PDS5A: variants seen among roughly 807,000 people sequenced by gnomAD.
PDS5A encodes sister chromatid cohesion protein PDS5 homolog A.
Under a neutral mutation model 167.1 loss-of-function variants are expected in PDS5A, and 42 were observed. The ratio of observed to expected loss-of-function variants is 0.25; its 90% confidence interval spans 0.20 to 0.33. PDS5A has a LOEUF of 0.33. Ranked by LOEUF, PDS5A falls within the 10% of genes least tolerant of loss-of-function variation. The probability of loss-of-function intolerance (pLI) is 1.00; values close to 1 mark genes in which losing one functional copy is unlikely to be tolerated. For synonymous variants in PDS5A, 553 were observed against 554.6 expected, an observed-to-expected ratio of 1.00 and a Z score of 0.04; for missense variants, 1,033 against 1,605.9, an observed-to-expected ratio of 0.64 and a Z score of 6.10.
intron 26 of PDS5A, among the ~76,000 whole-genome samples, chr4:39,850,728 CTT>C (rs1341788134): frequency 1.3e-5 from 2 of 152,216 alleles, no homozygotes; most frequent in Non-Finnish European, 2.9e-5. Context: ...CTATTCCACA[CTT>C]GTCACTGTAT....
At chr4:39,837,178 C>T (rs1311448931) in intron 32 of PDS5A, 1 of 151,990 alleles carries the variant, frequency 6.6e-6, no homozygotes, top group East Asian at 1.9e-4. Flanking sequence ...GTGGGGGTAT[C>T]CTGAGCTGAT....
chr4:39,936,991 G>A (rs1490461148), intron 2 of PDS5A: 1 of 152,252 alleles, frequency 6.6e-6, no homozygotes, highest in East Asian at 1.9e-4. Context: ...GGGACACAGA[G>A]CTTCGTATAC....
At chr4:39,919,848 C>T (rs1724759321) in intron 7 of PDS5A, among the ~76,000 whole-genome samples, 1 of 151,584 alleles carries the variant, frequency 6.6e-6, no homozygotes, top group African/African-American at 2.4e-5. Context: ...CACAATCTTT[C>T]ATTACTGAAA....
chr4:39,930,249 T>TTTTTG lies in PDS5A; in HGVS notation c.139-2086_139-2085insCAAAA, dbSNP rs1399930462. ...AAAAAAAAAAAAAAAAAAAAAAAGT[T>TTTTTG]TTTTTGTTTTTTGTTTTTTTTTTTT... On this transcript the variant is annotated intron_variant, in intron 2 of 32. Coordinates refer to ENST00000303538, the MANE Select transcript of PDS5A (RefSeq NM_001100399.2). Among the ~76,000 whole-genome samples, 683 of 105,644 alleles carry TTTTTG rather than the reference T, an allele frequency of 6.5e-3. 37 individuals are homozygous for TTTTTG. The highest frequency in any genetic ancestry group is 0.013 in the Non-Finnish European group (602 of 46,688). The allele number at this position is 105,644 out of a possible 152,430, so 69.3% of individuals were successfully genotyped here. A position where few individuals can be genotyped will look rare whatever the true frequency, so the allele number is the denominator to read the frequency against.
At chr4:39,880,745 A>C (rs1278787807) in intron 17 of PDS5A, among the ~76,000 whole-genome samples, 9 of 152,188 alleles carry the variant, frequency 5.9e-5, no homozygotes, top group Non-Finnish European at 1.0e-4. Context: ...CATGGTGATC[A>C]GATCAGGATA....
intron 3 of PDS5A, among the ~76,000 whole-genome samples, 178 bp downstream of exon 3, chr4:39,927,783 A>C (rs1725598554): frequency 6.6e-6 from 1 of 152,194 alleles, no homozygotes; most frequent in East Asian, 1.9e-4. Flanking sequence ...CAACCAAGCA[A>C]CCCAGTCATT....
chr4:39,904,289 GTGC>G, intron 11 of PDS5A, 98 bp from the exon 12 acceptor site: 1 of 648,806 alleles, frequency 1.5e-6, no homozygotes, highest in Admixed American at 3.7e-5. Flanking sequence ...AGTCTTATGT[GTGC>G]CTTTATAAAC....
intron 21 of PDS5A, among the ~76,000 whole-genome samples, chr4:39,870,516 A>G (rs953060521): frequency 6.6e-6 from 1 of 151,996 alleles, no homozygotes; most frequent in Non-Finnish European, 1.5e-5. Flanking sequence ...TGAGCCTGGG[A>G]AGCGGAGGTT....
chr4:39,976,647 G>A, intron 1 of PDS5A, 30 bp from the exon 2 acceptor site: 1 of 1,191,212 alleles, frequency 8.4e-7, no homozygotes, highest in Non-Finnish European at 1.2e-6. Context: ...AGTTCAGCGG[G>A]AAAGGGGCGA....
intron 29 of PDS5A, among the ~76,000 whole-genome samples, chr4:39,845,017 G>A (rs1041092759): frequency 6.6e-6 from 1 of 152,076 alleles, no homozygotes; most frequent in African/African-American, 2.4e-5. Context: ...AGACCACTCT[G>A]GCCAAAAGAG....
At chr4:39,877,606 GGC>G (rs1476228763) in intron 18 of PDS5A, among the ~76,000 whole-genome samples, 14 of 151,982 alleles carry the variant, frequency 9.2e-5, no homozygotes, top group African/African-American at 3.4e-4. Flanking sequence ...TTCTTTGACT[GGC>G]AAAAAGATAA....
intron 22 of PDS5A, among the ~76,000 whole-genome samples, chr4:39,867,774 A>AAC (rs1719673014): frequency 9.2e-6 from 1 of 108,524 alleles, no homozygotes; most frequent in African/African-American, 3.8e-5. Flanking sequence ...ACACACACAC[A>AAC]CCCCACAACT....
intron 2 of PDS5A, among the ~76,000 whole-genome samples, chr4:39,954,297 C>T (rs1728697844): frequency 6.6e-6 from 1 of 152,046 alleles, no homozygotes. Context: ...GAGTTTGAGG[C>T]TGCAATGAGC....
intron 30 of PDS5A, 121 bp from the exon 31 acceptor site, chr4:39,842,177 G>C (rs1171586201): frequency 3.1e-6 from 2 of 636,308 alleles, no homozygotes; most frequent in Non-Finnish European, 5.7e-6. Context: ...AGCAACAATA[G>C]CAAGATTCGG....
chr4:39,922,070 G>A (rs1725034582), intron 6 of PDS5A, among the ~76,000 whole-genome samples: 1 of 152,140 alleles, frequency 6.6e-6, no homozygotes, highest in South Asian at 2.1e-4. Flanking sequence ...CCCAGTGGTG[G>A]AGCCTGAGGG....
At chr4:39,948,373 A>G (rs1337367777) in intron 2 of PDS5A, among the ~76,000 whole-genome samples, 1 of 128,660 alleles carries the variant, frequency 7.8e-6, no homozygotes, top group Admixed American at 9.7e-5. Context: ...GCTGGAGTGC[A>G]ATGGTGCGAC....
chr4:39,839,911 T>C (rs1429687414), intron 31 of PDS5A, among the ~76,000 whole-genome samples: 2 of 151,722 alleles, frequency 1.3e-5, no homozygotes, highest in African/African-American at 4.8e-5. Flanking sequence ...CTGGCCAACA[T>C]GGTGAAACCC....
intron 2 of PDS5A, among the ~76,000 whole-genome samples, chr4:39,972,898 A>AT (rs1178984540): frequency 4.8e-5 from 7 of 145,454 alleles, no homozygotes; most frequent in Non-Finnish European, 9.3e-5. Flanking sequence ...ATATTTTATT[A>AT]TTTTTTGTGG....
Position 39,922,097 on chromosome 4 carries a change from A to T in PDS5A, c.654+525T>A, listed in dbSNP as rs1466658921. On this transcript the variant is annotated intron_variant, in intron 6 of 32. Transcript: ENST00000303538. ...GCCTGAGGGCAGCCAAGTCCTTCAGATTCTTAGGAGGATCTGGTGGAGATA... is the reference window on the plus strand; with the variant it reads ...GCCTGAGGGCAGCCAAGTCCTTCAGTTTCTTAGGAGGATCTGGTGGAGATA... 1.1e-4 allele frequency among the ~76,000 whole-genome samples: 16 copies of T among 152,172 alleles called. 1 individual carries two copies.
Sources: allele counts gnomAD v4.1 joint callset (sites outside exome capture counted in the v4.1 genomes callset), GRCh38; gene constraint gnomAD v4.1.1; transcripts MANE v1.5; gene names NCBI Gene and HGNC (gene_info 2026-07-23, HGNC 2026-07-21).